CCDC15: variants seen among roughly 807,000 people sequenced by gnomAD.
CCDC15 encodes coiled-coil domain containing 15, also known as coiled-coil domain-containing protein 15.
In CCDC15, 105 loss-of-function variants were observed where a neutral mutation model predicts 114.5. The observed-to-expected ratio is 0.92, with a 90% CI of 0.78 to 1.08. The LOEUF (loss-of-function observed/expected upper bound fraction) is 1.08. CCDC15 is among the 50% of genes least tolerant of loss of function. The probability of loss-of-function intolerance (pLI) is 0.00; values close to 1 mark genes in which losing one functional copy is unlikely to be tolerated. For missense variants in CCDC15, 1,105 were observed against 1,093.6 expected (o/e 1.01, Z -0.15); for synonymous variants, 334 against 377.8 (o/e 0.88, Z 1.34).
At chr11:125,019,964 C>T (rs1354423716) in intron 13 of CCDC15, among the ~76,000 whole-genome samples, 2 of 151,842 alleles carry the variant, frequency 1.3e-5, no homozygotes, top group African/African-American at 4.8e-5. Context: ...AGTTCAAGTC[C>T]TCTCTTCTAG....
At chr11:124,972,458 CTTGT>C (rs1311916708) in intron 4 of CCDC15, among the ~76,000 whole-genome samples, 2 of 152,110 alleles carry the variant, frequency 1.3e-5, no homozygotes, top group African/African-American at 2.4e-5. Context: ...TGCTTATCTA[CTTGT>C]TTATTTGAAT....
intron 11 of CCDC15, among the ~76,000 whole-genome samples, chr11:124,995,859 C>G (rs1177545467): frequency 1.3e-5 from 2 of 151,140 alleles, no homozygotes; most frequent in East Asian, 1.9e-4. Flanking sequence ...GAGACAGAGT[C>G]TTACTCTGTC....
intron 13 of CCDC15, among the ~76,000 whole-genome samples, chr11:125,013,532 A>C (rs570259915): frequency 6.6e-6 from 1 of 152,302 alleles, no homozygotes; most frequent in Non-Finnish European, 1.5e-5. Context: ...CTGGGAACAG[A>C]GAGTGACATA....
intron 15 of CCDC15, among the ~76,000 whole-genome samples, chr11:125,039,870 C>A (rs1260601048): frequency 1.3e-5 from 2 of 152,146 alleles, no homozygotes; most frequent in African/African-American, 4.8e-5. Flanking sequence ...ATTGTTTACT[C>A]CTTTTGCACC....
chr11:124,962,221 A>G (rs1342503605), intron 4 of CCDC15, among the ~76,000 whole-genome samples: 2 of 151,940 alleles, frequency 1.3e-5, no homozygotes, highest in Non-Finnish European at 2.9e-5. Context: ...TCAGGCACGA[A>G]CTCCCTTAGT....
intron 15 of CCDC15, among the ~76,000 whole-genome samples, chr11:125,039,886 C>T (rs1007038620): frequency 6.6e-6 from 1 of 152,174 alleles, no homozygotes; most frequent in Non-Finnish European, 1.5e-5. Flanking sequence ...GCACCTCACA[C>T]TCAGTTCTCT....
intron 4 of CCDC15, among the ~76,000 whole-genome samples, chr11:124,972,429 A>G (rs1281896923): frequency 6.6e-6 from 1 of 152,188 alleles, no homozygotes; most frequent in Non-Finnish European, 1.5e-5. Context: ...AATGACCAAC[A>G]TCATCTTGCA....
chr11:125,013,112 A>C (rs562714940), intron 13 of CCDC15, among the ~76,000 whole-genome samples: 2 of 152,356 alleles, frequency 1.3e-5, no homozygotes, highest in South Asian at 4.1e-4. Flanking sequence ...GATGAGCACC[A>C]AGAGAGGACA....
At chr11:124,973,737 C>T (rs1267471222) in intron 4 of CCDC15, among the ~76,000 whole-genome samples, 1 of 152,066 alleles carries the variant, frequency 6.6e-6, no homozygotes, top group Admixed American at 6.6e-5. Flanking sequence ...ATCCTTCCAC[C>T]TCTCCTACCT....
At chr11:125,017,902 TA>T (rs769216874) in intron 13 of CCDC15, among the ~76,000 whole-genome samples, 4 of 152,042 alleles carry the variant, frequency 2.6e-5, no homozygotes, top group South Asian at 2.1e-4. Context: ...AGAAAGAAAA[TA>T]TTTTTTTACA....
At chr11:124,970,982 A>G (rs1591576824) in intron 4 of CCDC15, among the ~76,000 whole-genome samples, 1 of 152,176 alleles carries the variant, frequency 6.6e-6, no homozygotes, top group Non-Finnish European at 1.5e-5. Flanking sequence ...TGTGCAGAAG[A>G]CATTGCATCA....
At chr11:125,029,146 G>T (rs1045751755) in intron 13 of CCDC15, among the ~76,000 whole-genome samples, 5 of 152,128 alleles carry the variant, frequency 3.3e-5, no homozygotes, top group African/African-American at 9.7e-5. Flanking sequence ...TGATTAGATT[G>T]TGCCAACCCA....
chr11:124,961,382 GATA>G (rs1469883815), intron 4 of CCDC15, among the ~76,000 whole-genome samples: 15 of 152,198 alleles, frequency 9.9e-5, no homozygotes, highest in African/African-American at 3.6e-4. Flanking sequence ...CATTGTATCA[GATA>G]ATAATATAGA....
intron 11 of CCDC15, among the ~76,000 whole-genome samples, chr11:124,998,871 T>G (rs1948424083): frequency 6.6e-6 from 1 of 151,850 alleles, no homozygotes; most frequent in African/African-American, 2.4e-5. Context: ...CCTGAGTACC[T>G]GGGATTACAG....
At chr11:125,020,016 C>T (rs768897549) in intron 13 of CCDC15, among the ~76,000 whole-genome samples, 22 of 151,858 alleles carry the variant, frequency 1.4e-4, no homozygotes, top group Non-Finnish European at 2.4e-4. Context: ...ACTATAGTCA[C>T]CCTACTCTGC....
chr11:124,968,976 A>G (rs887344585), intron 4 of CCDC15, among the ~76,000 whole-genome samples: 2 of 152,096 alleles, frequency 1.3e-5, no homozygotes, highest in African/African-American at 2.4e-5. Context: ...ACTTTTATCC[A>G]TTGGTCTTAA....
At position 124,954,229 on chromosome 11, in the gene CCDC15, C is replaced by T. The variant is rs1947506022; in HGVS notation, c.-151C>T. The T allele has an allele frequency of 6.4e-6, 1 of 155,256 alleles. No individual in the cohort carries two copies. 9.6% of individuals were successfully genotyped at this position (155,256 alleles called of 1,614,324 possible). On this transcript the variant is annotated 5_prime_UTR_variant, in exon 1 of 16. Transcript: ENST00000344762. ...ACTGAGTCTGTGGCGAGCTGCGGGCCGATTCCTGGCCAGTGCCATCTCAGC... is the reference window on the plus strand; with the variant it reads ...ACTGAGTCTGTGGCGAGCTGCGGGCTGATTCCTGGCCAGTGCCATCTCAGC...
At chr11:125,010,647 T>C (rs1351223880) in intron 13 of CCDC15, among the ~76,000 whole-genome samples, 1 of 152,164 alleles carries the variant, frequency 6.6e-6, no homozygotes, top group Non-Finnish European at 1.5e-5. Context: ...AGGAGTGAGC[T>C]ACCACGCCTG....
At chr11:125,034,720 C>G (rs548016061) in intron 13 of CCDC15, among the ~76,000 whole-genome samples, 15 of 152,170 alleles carry the variant, frequency 9.9e-5, no homozygotes, top group Admixed American at 2.6e-4. Flanking sequence ...CTAAACAGTT[C>G]GTGCCAGGGA....
Sources: allele counts gnomAD v4.1 joint callset (sites outside exome capture counted in the v4.1 genomes callset), GRCh38; gene constraint gnomAD v4.1.1; transcripts MANE v1.5; gene names NCBI Gene and HGNC (gene_info 2026-07-23, HGNC 2026-07-21).